Variants in CSMD3 observed in about 807,000 individuals in gnomAD.
CSMD3 encodes CUB and sushi domain-containing protein 3.
A neutral mutation model predicts 435.2 loss-of-function variants in CSMD3; 177 were observed. The observed-to-expected ratio is 0.41, with a 90% CI of 0.36 to 0.46. CSMD3 has a LOEUF of 0.46. Among genes scored for constraint, CSMD3 ranks in the 20% least tolerant of loss-of-function variants. The pLI, the probability that CSMD3 is intolerant of heterozygous loss-of-function variation, is 0.34. For synonymous variants in CSMD3, 1,656 were observed against 1,520.5 expected (o/e 1.09, Z -2.07); for missense variants, 4,265 against 4,504.6 (o/e 0.95, Z 1.52).
At chr8:112,367,172 G>C (rs1365618522) in intron 38 of CSMD3, among the ~76,000 whole-genome samples, 1 of 151,930 alleles carries the variant, frequency 6.6e-6, no homozygotes, top group Non-Finnish European at 1.5e-5. Flanking sequence ...TAATAAATGT[G>C]CTATCACATT....
At chr8:113,135,164 T>C (rs1376537214) in intron 4 of CSMD3, among the ~76,000 whole-genome samples, 2 of 152,000 alleles carry the variant, frequency 1.3e-5, no homozygotes, top group East Asian at 1.9e-4. Context: ...AGTGTTGGCA[T>C]TGTATACCTG....
chr8:112,652,641 T>C (rs1405081675), intron 18 of CSMD3, among the ~76,000 whole-genome samples: 1 of 152,060 alleles, frequency 6.6e-6, no homozygotes, highest in African/African-American at 2.4e-5. Context: ...AAAATAAGTC[T>C]AAAGAAATAG....
At chr8:112,280,151 T>C (rs1818482455) in intron 59 of CSMD3, among the ~76,000 whole-genome samples, 1 of 152,126 alleles carries the variant, frequency 6.6e-6, no homozygotes, top group South Asian at 2.1e-4. Flanking sequence ...TCAGCAAAAG[T>C]ATATATACTC....
chr8:112,358,835 T>C (rs1026331644), intron 38 of CSMD3, among the ~76,000 whole-genome samples: 2 of 152,114 alleles, frequency 1.3e-5, no homozygotes, highest in Non-Finnish European at 2.9e-5. Context: ...GATGAGATTA[T>C]TCATACCCCA....
chr8:112,692,094 C>A (rs548822322), intron 13 of CSMD3, among the ~76,000 whole-genome samples: 1 of 152,020 alleles, frequency 6.6e-6, no homozygotes, highest in Non-Finnish European at 1.5e-5. Flanking sequence ...TGAGCCACTG[C>A]GCCCGGCAAA....
At position 112,636,862 on chromosome 8, in the gene CSMD3, C is replaced by G. The variant is rs747250862; in HGVS notation, c.3670G>C (p.Gly1224Arg). 1.2e-6 allele frequency: 2 copies of G among 1,613,456 alleles called. No individual in the cohort carries two copies. The highest frequency in any genetic ancestry group is 1.7e-6 in the Non-Finnish European group (2 of 1,179,764). The change falls in exon 22 of 71, where the codon GGT becomes CGT. Residue 1224 changes from glycine to arginine, a missense_variant. Gly to Arg is a moderately radical substitution (Grantham distance 125). Coordinates refer to ENST00000297405, the MANE Select transcript of CSMD3 (RefSeq NM_198123.2). ...LEGTSEIICL[G>R]GGRRVWSAPL... is the part of the protein sequence containing the mutation. Reference sequence around the variant, plus strand: ...GCACTCCACACTCGTCGGCCACCACCAAGACAGATGATCTCTGATGTTCCT... The same window carrying G: ...GCACTCCACACTCGTCGGCCACCACGAAGACAGATGATCTCTGATGTTCCT...
intron 6 of CSMD3, among the ~76,000 whole-genome samples, chr8:112,988,228 C>G (rs2085325006): frequency 6.6e-6 from 1 of 151,996 alleles, no homozygotes; most frequent in Non-Finnish European, 1.5e-5. Flanking sequence ...CAATGACCTA[C>G]ATAATGTTTT....
intron 10 of CSMD3, among the ~76,000 whole-genome samples, chr8:112,893,288 A>T (rs1447716528): frequency 6.6e-6 from 1 of 151,472 alleles, no homozygotes; most frequent in Non-Finnish European, 1.5e-5. Context: ...TGTACAGCAA[A>T]GATTGAGAAT....
intron 10 of CSMD3, among the ~76,000 whole-genome samples, chr8:112,920,752 C>T (rs2082709039): frequency 6.6e-6 from 1 of 151,712 alleles, no homozygotes; most frequent in African/African-American, 2.4e-5. Context: ...TTTGAACTCC[C>T]ATGTTAAAAA....
intron 11 of CSMD3, among the ~76,000 whole-genome samples, chr8:112,853,698 G>T (rs2080564025): frequency 6.6e-6 from 1 of 152,110 alleles, no homozygotes; most frequent in South Asian, 2.1e-4. Flanking sequence ...AATCTAACAG[G>T]TATTTCAAAT....
intron 3 of CSMD3, among the ~76,000 whole-genome samples, chr8:113,237,645 T>TA (rs1479064636): frequency 6.6e-6 from 1 of 152,226 alleles, no homozygotes; most frequent in East Asian, 1.9e-4. Flanking sequence ...TCAGATTGTT[T>TA]AATTAACAGC....
At chr8:112,252,298 A>G (rs534900034) in intron 63 of CSMD3, among the ~76,000 whole-genome samples, 38 of 152,056 alleles carry the variant, frequency 2.5e-4, no homozygotes, top group Admixed American at 4.6e-4. Context: ...TATGTAGCTG[A>G]GATGTAAATA....
intron 1 of CSMD3, among the ~76,000 whole-genome samples, chr8:113,370,481 A>T (rs2094340434): frequency 6.6e-6 from 1 of 151,820 alleles, no homozygotes; most frequent in South Asian, 2.1e-4. Flanking sequence ...CTTCACAAAA[A>T]GGCATATTGT....
At chr8:112,983,179 AATAATT>A (rs2085116605) in intron 6 of CSMD3, among the ~76,000 whole-genome samples, 1 of 151,846 alleles carries the variant, frequency 6.6e-6, no homozygotes, top group African/African-American at 2.4e-5. Context: ...CTTTTATACC[AATAATT>A]ATTGAAAGAA....
At chr8:113,158,051 CAG>C (rs2091966184) in intron 4 of CSMD3, among the ~76,000 whole-genome samples, 1 of 151,770 alleles carries the variant, frequency 6.6e-6, no homozygotes, top group African/African-American at 2.4e-5. Flanking sequence ...GAACTTCACA[CAG>C]AAAGTATTTG....
At chr8:113,122,621 C>CT (rs138652215) in intron 4 of CSMD3, among the ~76,000 whole-genome samples, 10,135 of 151,896 alleles carry the variant, frequency 0.067, 456 homozygotes, top group Non-Finnish European at 0.095. Flanking sequence ...GAGAGATGTG[C>CT]TTTTTCAGGT....
At chr8:113,355,772 T>G (rs1400159252) in intron 1 of CSMD3, among the ~76,000 whole-genome samples, 9 of 103,980 alleles carry the variant, frequency 8.7e-5, no homozygotes, top group African/African-American at 2.0e-4. Flanking sequence ...ACACACGGGG[T>G]GTGTGTGTGT....
At chr8:113,077,488 A>T (rs1208537511) in intron 5 of CSMD3, among the ~76,000 whole-genome samples, 2 of 152,024 alleles carry the variant, frequency 1.3e-5, no homozygotes, top group African/African-American at 4.8e-5. Flanking sequence ...GATCACCTGA[A>T]GTTAGGAGTT....
intron 27 of CSMD3, among the ~76,000 whole-genome samples, chr8:112,518,651 AGAGAGG>A (rs1823952333): frequency 6.6e-6 from 1 of 151,536 alleles, no homozygotes; most frequent in African/African-American, 2.4e-5. Context: ...AGAGAGAGAG[AGAGAGG>A]GAAACTTACT....
Sources: allele counts gnomAD v4.1 joint callset (sites outside exome capture counted in the v4.1 genomes callset), GRCh38; gene constraint gnomAD v4.1.1; transcripts MANE v1.5; gene names NCBI Gene and HGNC (gene_info 2026-07-23, HGNC 2026-07-21).